TSHZ2: variants seen among roughly 807,000 people sequenced by gnomAD.
The protein encoded by TSHZ2 is teashirt zinc finger homeobox 2.
A neutral mutation model predicts 74.4 loss-of-function variants in TSHZ2; 21 were observed. The ratio of observed to expected loss-of-function variants is 0.28; its 90% CI spans 0.20 to 0.41. The LOEUF (loss-of-function observed/expected upper bound fraction) is 0.41. TSHZ2 is among the 10% of genes least tolerant of loss of function. The probability of loss-of-function intolerance (pLI) is 1.00; values close to 1 mark genes in which losing one functional copy is unlikely to be tolerated. For missense variants in TSHZ2, 1,244 were observed against 1,293.5 expected, an observed-to-expected ratio of 0.96 and a Z score of 0.59; for synonymous variants, 540 against 515.3, an observed-to-expected ratio of 1.05 and a Z score of -0.65.
At chr20:53,381,266 A>C (rs762632453) in intron 2 of TSHZ2, among the ~76,000 whole-genome samples, 2 of 152,206 alleles carry the variant, frequency 1.3e-5, no homozygotes, top group Non-Finnish European at 2.9e-5. Flanking sequence ...GTTCTACTGT[A>C]CATCAGGTCT....
intron 1 of TSHZ2, among the ~76,000 whole-genome samples, chr20:53,047,466 G>A (rs540673872): frequency 2.0e-5 from 3 of 152,058 alleles, no homozygotes; most frequent in Admixed American, 6.6e-5. Context: ...GCAGTGGAAG[G>A]CAGGCCCCTC....
At chr20:53,270,290 CT>C (rs1271725312) in intron 2 of TSHZ2, among the ~76,000 whole-genome samples, 2 of 152,148 alleles carry the variant, frequency 1.3e-5, no homozygotes, top group African/African-American at 4.8e-5. Flanking sequence ...GAGTTAATGA[CT>C]GATGTGGAGT....
intron 2 of TSHZ2, among the ~76,000 whole-genome samples, chr20:53,355,624 C>A (rs1980816307): frequency 2.0e-5 from 3 of 152,066 alleles, no homozygotes; most frequent in African/African-American, 7.2e-5. Flanking sequence ...AGAGTGACTG[C>A]AAATGGGCAC....
At chr20:53,198,661 C>T (rs1016420851) in intron 1 of TSHZ2, among the ~76,000 whole-genome samples, 2 of 151,896 alleles carry the variant, frequency 1.3e-5, no homozygotes, top group African/African-American at 2.4e-5. Context: ...GGAAATTATC[C>T]CTTTCAAATA....
chr20:53,081,913 T>C (rs1985549245), intron 1 of TSHZ2, among the ~76,000 whole-genome samples: 1 of 144,368 alleles, frequency 6.9e-6, no homozygotes, highest in Middle Eastern at 3.3e-3. Context: ...TTTTTTTTTC[T>C]GAGACAGAGT....
intron 2 of TSHZ2, among the ~76,000 whole-genome samples, chr20:53,391,584 A>C (rs1256470062): frequency 1.3e-5 from 2 of 151,962 alleles, no homozygotes; most frequent in African/African-American, 4.8e-5. Flanking sequence ...GGCATGAGCC[A>C]CCATGTCCAG....
Position 53,326,072 on chromosome 20 carries a change from G to A in TSHZ2, c.*8+69501G>A, listed in dbSNP as rs369977633. On this transcript the variant is annotated intron_variant, in intron 2 of 2. Transcript: ENST00000371497. ...GCTGGGACTACAGGCCTGAGCCACC[G>A]CGCCCCACCCAACCTTGGTATCTTA... is the stretch of plus-strand genomic sequence containing the variant. Among the ~76,000 whole-genome samples, 138 of 152,222 alleles carry A rather than the reference G, an allele frequency of 9.1e-4. No homozygotes were observed. The South Asian group carries it at 0.021, about 24-fold the overall frequency.
At chr20:53,369,335 G>A (rs1274103482) in intron 2 of TSHZ2, among the ~76,000 whole-genome samples, 1 of 152,152 alleles carries the variant, frequency 6.6e-6, no homozygotes, top group Non-Finnish European at 1.5e-5. Context: ...TTAGCAGAGG[G>A]TTGCATGAAT....
intron 2 of TSHZ2, among the ~76,000 whole-genome samples, chr20:53,376,003 CAA>C (rs923527195): frequency 6.6e-6 from 1 of 152,068 alleles, no homozygotes; most frequent in Non-Finnish European, 1.5e-5. Context: ...CCAAGAAGTA[CAA>C]AATGTTGTAA....
At chr20:53,073,252 C>G (rs1985247031) in intron 1 of TSHZ2, among the ~76,000 whole-genome samples, 2 of 150,464 alleles carry the variant, frequency 1.3e-5, no homozygotes, top group African/African-American at 4.9e-5. Context: ...CTTCCTTCAT[C>G]TATCCTTCCA....
At chr20:52,983,525 T>G (rs1981644272) in intron 1 of TSHZ2, among the ~76,000 whole-genome samples, 1 of 152,226 alleles carries the variant, frequency 6.6e-6, no homozygotes, top group South Asian at 2.1e-4. Flanking sequence ...TATATTGCTT[T>G]GTATACTAAT....
chr20:53,232,025 C>T (rs1253800823), intron 1 of TSHZ2, among the ~76,000 whole-genome samples: 2 of 152,100 alleles, frequency 1.3e-5, no homozygotes, highest in African/African-American at 2.4e-5. Flanking sequence ...GCTGAGACTA[C>T]GGGCGCCTGC....
chr20:53,382,479 A>G (rs1981894857), intron 2 of TSHZ2, among the ~76,000 whole-genome samples: 1 of 152,206 alleles, frequency 6.6e-6, no homozygotes, highest in Non-Finnish European at 1.5e-5. Context: ...AAATCAATGA[A>G]GCTGTCCCAA....
At chr20:53,092,957 A>G (rs1985929052) in intron 1 of TSHZ2, among the ~76,000 whole-genome samples, 2 of 152,206 alleles carry the variant, frequency 1.3e-5, no homozygotes, top group Admixed American at 1.3e-4. Context: ...TTGTTTCCCA[A>G]TAAATCTTAT....
intron 1 of TSHZ2, among the ~76,000 whole-genome samples, chr20:53,140,577 C>T (rs998859929): frequency 2.0e-5 from 3 of 149,924 alleles, no homozygotes; most frequent in Non-Finnish European, 3.0e-5. Flanking sequence ...GGGACAGTCA[C>T]GAAGACCTGA....
At chr20:53,125,420 T>C (rs746008602) in intron 1 of TSHZ2, among the ~76,000 whole-genome samples, 1 of 152,122 alleles carries the variant, frequency 6.6e-6, no homozygotes, top group Non-Finnish European at 1.5e-5. Flanking sequence ...CACAGAATGA[T>C]TACAAAGGTG....
At chr20:53,363,646 C>G (rs535295803) in intron 2 of TSHZ2, among the ~76,000 whole-genome samples, 7 of 152,268 alleles carry the variant, frequency 4.6e-5, no homozygotes, top group Middle Eastern at 3.4e-3. Flanking sequence ...GAAAGTCATG[C>G]AGATAGAAAC....
intron 2 of TSHZ2, among the ~76,000 whole-genome samples, chr20:53,289,977 A>G (rs1991250041): frequency 1.3e-5 from 2 of 152,336 alleles, no homozygotes; most frequent in South Asian, 4.1e-4. Flanking sequence ...AATTGCATGA[A>G]GAGTTGTAAA....
At chr20:53,036,660 G>T (rs942290609) in intron 1 of TSHZ2, among the ~76,000 whole-genome samples, 1 of 136,550 alleles carries the variant, frequency 7.3e-6, no homozygotes, top group East Asian at 2.3e-4. Flanking sequence ...TATTATATAT[G>T]ATATTTATAA....
Sources: allele counts gnomAD v4.1 joint callset (sites outside exome capture counted in the v4.1 genomes callset), GRCh38; gene constraint gnomAD v4.1.1; transcripts MANE v1.5; gene names NCBI Gene and HGNC (gene_info 2026-07-23, HGNC 2026-07-21).